Variants in LRP1B observed in about 807,000 individuals in gnomAD.
LRP1B encodes the protein low-density lipoprotein receptor-related protein 1B.
In LRP1B, 217 loss-of-function variants were observed where a neutral mutation model predicts 556.6. That is an observed-to-expected ratio of 0.39 (90% CI 0.35 to 0.44). LRP1B has a LOEUF of 0.44. Ranked by LOEUF, LRP1B falls within the 20% of genes least tolerant of loss-of-function variation. LRP1B has a pLI of 1.00. For synonymous variants in LRP1B, 2,047 were observed against 1,865.8 expected, an observed-to-expected ratio of 1.10 and a Z score of -2.50; for missense variants, 5,053 against 5,620.8, an observed-to-expected ratio of 0.90 and a Z score of 3.23.
At chr2:141,424,603 A>G (rs1318418803) in intron 3 of LRP1B, among the ~76,000 whole-genome samples, 3 of 152,212 alleles carry the variant, frequency 2.0e-5, no homozygotes, top group Admixed American at 2.0e-4. Flanking sequence ...TTATGTATTA[A>G]TTACTTTGTA....
chr2:140,811,158 A>G (rs1031216892), intron 32 of LRP1B, among the ~76,000 whole-genome samples: 4 of 152,192 alleles, frequency 2.6e-5, no homozygotes, highest in African/African-American at 9.6e-5. Context: ...AGAGAATTTT[A>G]ATTTCTGCAA....
At chr2:140,543,677 A>T (rs1456323830) in intron 43 of LRP1B, among the ~76,000 whole-genome samples, 1 of 151,938 alleles carries the variant, frequency 6.6e-6, no homozygotes, top group Non-Finnish European at 1.5e-5. Flanking sequence ...TAATAAGGCA[A>T]AAATAAATAA....
intron 85 of LRP1B, among the ~76,000 whole-genome samples, chr2:140,272,961 G>T (rs1682526786): frequency 6.6e-6 from 1 of 151,914 alleles, no homozygotes; most frequent in African/African-American, 2.4e-5. Context: ...CTCATTGTGA[G>T]AATCTGGTGT....
At position 141,062,039 on chromosome 2, in the gene LRP1B, A is replaced by G. The variant is rs2105467906; in HGVS notation, c.1236+12T>C. The G allele has an allele frequency of 6.2e-7, 1 of 1,606,324 alleles. No individual in the cohort carries two copies. The highest frequency in any genetic ancestry group is 1.7e-5 in the Admixed American group (1 of 59,772). On this transcript the variant is annotated intron_variant, in intron 8 of 90. Transcript: ENST00000389484. The stretch of plus-strand genomic sequence containing the variant: ...TTACCCTAGGAGCGTTGTCTAACAA[A>G]ATTGTACTTACTTGTCTGCCTTGAA...
chr2:140,424,805 T>C (rs753874461), intron 66 of LRP1B, among the ~76,000 whole-genome samples: 3 of 152,202 alleles, frequency 2.0e-5, no homozygotes, highest in African/African-American at 2.4e-5. Flanking sequence ...AATTGGTCAA[T>C]TCTCTTTTGT....
chr2:141,176,176 T>C (rs1333105571), intron 7 of LRP1B, among the ~76,000 whole-genome samples: 9 of 152,104 alleles, frequency 5.9e-5, no homozygotes, highest in Non-Finnish European at 1.5e-5. Flanking sequence ...TTTGAGTCAA[T>C]GCTGGAATGA....
intron 2 of LRP1B, among the ~76,000 whole-genome samples, chr2:141,540,557 C>G (rs967583817): frequency 4.6e-5 from 7 of 151,656 alleles, no homozygotes; most frequent in African/African-American, 1.7e-4. Context: ...CAGAGACTTT[C>G]GTTTTTGAGA....
At position 140,708,787 on chromosome 2, in the gene LRP1B, G is replaced by GC. The variant is rs1686931691; in HGVS notation, c.6024-6235dup. The stretch of plus-strand genomic sequence containing the variant: ...TTTACCAAATATTTAACATCTAGCT[G>GC]CCCAGAGCCTATACTTCTAGAGCTC... On this transcript the variant is annotated intron_variant, in intron 37 of 90. Coordinates refer to ENST00000389484, the MANE Select transcript of LRP1B (RefSeq NM_018557.3). 2.0e-5 allele frequency among the ~76,000 whole-genome samples: 3 copies of GC among 151,650 alleles called. No individual in the cohort carries two copies. The East Asian group carries it at 5.8e-4, about 29-fold the overall frequency.
At chr2:140,935,668 T>A (rs565891791) in intron 20 of LRP1B, among the ~76,000 whole-genome samples, 3 of 151,936 alleles carry the variant, frequency 2.0e-5, no homozygotes, top group Admixed American at 2.0e-4. Flanking sequence ...AGCTCAACCA[T>A]CCCCAAGTGG....
At chr2:140,735,894 G>A (rs1687929923) in intron 35 of LRP1B, among the ~76,000 whole-genome samples, 1 of 152,008 alleles carries the variant, frequency 6.6e-6, no homozygotes, top group African/African-American at 2.4e-5. Context: ...AAGGACCAGG[G>A]AAAAAAACCC....
At chr2:140,705,565 GACACACACAGAAAACAAAAT>G (rs1167002959) in intron 37 of LRP1B, among the ~76,000 whole-genome samples, 1 of 98,450 alleles carries the variant, frequency 1.0e-5, no homozygotes, top group East Asian at 3.9e-4. Flanking sequence ...AAAAAACACA[GACACACACAGAAAACAAAAT>G]ATGAAAAAGG....
chr2:140,304,669 G>A (rs529025163), intron 83 of LRP1B, among the ~76,000 whole-genome samples: 46 of 152,122 alleles, frequency 3.0e-4, no homozygotes, highest in East Asian at 1.7e-3. Flanking sequence ...GTTAGATCCC[G>A]TTTGTCAATT....
intron 3 of LRP1B, among the ~76,000 whole-genome samples, chr2:141,405,021 C>T (rs906803010): frequency 4.0e-5 from 6 of 151,506 alleles, no homozygotes; most frequent in African/African-American, 7.3e-5. Context: ...GAACTCGGGG[C>T]GGCAGAGCTT....
chr2:141,608,673 A>G (rs1688003155), intron 2 of LRP1B, among the ~76,000 whole-genome samples: 1 of 152,218 alleles, frequency 6.6e-6, no homozygotes, highest in Non-Finnish European at 1.5e-5. Context: ...TATGGAAAAA[A>G]TATATAGGCA....
intron 3 of LRP1B, among the ~76,000 whole-genome samples, chr2:141,380,704 T>C (rs1201759034): frequency 1.3e-5 from 2 of 152,222 alleles, no homozygotes; most frequent in East Asian, 3.9e-4. Context: ...TGATAAAATC[T>C]AGGTCCCAGC....
At chr2:140,862,267 A>G (rs992983443) in intron 27 of LRP1B, among the ~76,000 whole-genome samples, 4 of 151,348 alleles carry the variant, frequency 2.6e-5, no homozygotes, top group African/African-American at 4.9e-5. Context: ...GTACGGTTGG[A>G]AAAAAAAACC....
chr2:142,033,062 C>T (rs1166341200), intron 1 of LRP1B, among the ~76,000 whole-genome samples: 1 of 151,730 alleles, frequency 6.6e-6, no homozygotes, highest in Non-Finnish European at 1.5e-5. Context: ...CTAAATCTTT[C>T]TTAAGGGAGT....
chr2:141,051,803 A>G (rs536697920), intron 10 of LRP1B, among the ~76,000 whole-genome samples: 1 of 152,122 alleles, frequency 6.6e-6, no homozygotes, highest in African/African-American at 2.4e-5. Context: ...TATTTTTATT[A>G]TATCCTTGAT....
chr2:142,106,048 C>T (rs1706735816), intron 1 of LRP1B, among the ~76,000 whole-genome samples: 1 of 152,068 alleles, frequency 6.6e-6, no homozygotes, highest in Non-Finnish European at 1.5e-5. Flanking sequence ...CTTCTCAAGC[C>T]CTATGTCTAC....
Sources: gnomAD v4.1 joint callset for allele counts (sites outside exome capture counted in the v4.1 genomes callset) on GRCh38, gnomAD v4.1.1 for gene constraint, MANE v1.5 for transcripts, NCBI Gene and HGNC (gene_info 2026-07-23, HGNC 2026-07-21) for gene names.